KRTAP9-9: variants seen among roughly 807,000 people sequenced by gnomAD.
KRTAP9-9 encodes the protein keratin-associated protein 9-9.
KRTAP9-9 carries 12 observed loss-of-function variants against 13.7 expected under a neutral mutation model. The ratio of observed to expected loss-of-function variants is 0.88; its 90% CI spans 0.56 to 1.42. The LOEUF (loss-of-function observed/expected upper bound fraction) is 1.42, where lower values mean the gene tolerates loss of function less well. Among genes scored for constraint, KRTAP9-9 ranks in the 40% most tolerant of loss-of-function variants. The pLI is 0.00. For synonymous variants in KRTAP9-9, 81 were observed against 78.1 expected, an observed-to-expected ratio of 1.04 and a Z score of -0.19; for missense variants, 194 against 206.5, an observed-to-expected ratio of 0.94 and a Z score of 0.37.
At chr17:41,255,847 C>A in the KRTAP9-9 span, 1 of 1,613,522 alleles carries the variant, frequency 6.2e-7, no homozygotes, top group Non-Finnish European at 8.5e-7. Flanking sequence ...GGACCACTTG[C>A]TTCCAGCCCA....
rs190789946 is a variant in KRTAP9-9 at position 41,256,258 on chromosome 17, C to T, written c.*363C>T. ...TTTTCTTTTCAATATACTCATGATTCTTGTATCCTGCTTCCTTCTTTTAAT... is the reference window on the plus strand; with the variant it reads ...TTTTCTTTTCAATATACTCATGATTTTTGTATCCTGCTTCCTTCTTTTAAT... On this transcript the variant is annotated 3_prime_UTR_variant, in exon 1 of 1. Coordinates refer to ENST00000394008, the Ensembl canonical transcript of KRTAP9-9. 59 of 344,362 alleles carry T rather than the reference C, an allele frequency of 1.7e-4. No individual in the cohort carries two copies. The East Asian group carries it at 3.3e-3, about 19-fold the overall frequency. 21.3% of individuals were successfully genotyped at this position (344,362 alleles called of 1,614,324 possible). A position where few individuals can be genotyped will look rare whatever the true frequency, so the allele number is the denominator to read the frequency against.
exon 1 of KRTAP9-9, chr17:41,255,696 G>A: frequency 6.2e-7 from 1 of 1,613,546 alleles, no homozygotes; most frequent in Non-Finnish European, 8.5e-7. Flanking sequence ...GGCCAGAGCA[G>A]CTCCTGTGCA....
exon 1 of KRTAP9-9, chr17:41,255,934 T>A: frequency 1.5e-5 from 24 of 1,606,884 alleles, no homozygotes; most frequent in Non-Finnish European, 2.0e-5. Flanking sequence ...CACAACAACC[T>A]TCTGCTCAAC....
exon 1 of KRTAP9-9, chr17:41,256,314 G>T: frequency 4.3e-6 from 1 of 233,140 alleles, no homozygotes; most frequent in East Asian, 1.2e-4. Flanking sequence ...CTATAACCAG[G>T]GATCTTACCT....
chr17:41,255,738 C>A lies in KRTAP9-9; in HGVS notation c.353C>A (p.Pro118Gln). The change falls in exon 1 of 1, where the codon CCG becomes CAG. Residue 118 changes from proline (P) to glutamine (Q), a missense_variant. Physicochemically the swap from Pro to Gln is moderately conservative, Grantham distance 76. Transcript: ENST00000394008. The stretch of plus-strand genomic sequence containing the variant: ...TACTGCAGAAGAACCTGCTACTACC[C>A]GACGACTGTCTGCCTGCCTGGTTGC... 2.5e-6 allele frequency: 4 copies of A among 1,613,854 alleles called. No individual in the cohort carries two copies. The South Asian group carries it at 3.3e-5, about 13-fold the overall frequency.
At chr17:41,255,692 A>G (rs539568748) in exon 1 of KRTAP9-9, 1 of 1,613,766 alleles carries the variant, frequency 6.2e-7, no homozygotes, top group Non-Finnish European at 8.5e-7. Context: ...CTGTGGCCAG[A>G]GCAGCTCCTG....
chr17:41,255,774 G>A (rs1252436741), exon 1 of KRTAP9-9: 1 of 1,613,790 alleles, frequency 6.2e-7, no homozygotes. Context: ...CTCAACCAGA[G>A]CTGTGGATCC....
chr17:41,256,000 A>G, exon 1 of KRTAP9-9: 2 of 1,537,604 alleles, frequency 1.3e-6, no homozygotes, highest in South Asian at 1.3e-5. Flanking sequence ...CCATGTTCTC[A>G]CCCAAATTTT....
At chr17:41,256,041 G>C (rs540855053) in exon 1 of KRTAP9-9, 4 of 1,470,338 alleles carry the variant, frequency 2.7e-6, no homozygotes, top group Non-Finnish European at 3.7e-6. Flanking sequence ...AAAATCTTGT[G>C]AATCAGCTTG....
exon 1 of KRTAP9-9, chr17:41,255,723 G>T: frequency 6.2e-7 from 1 of 1,613,532 alleles, no homozygotes; most frequent in Non-Finnish European, 8.5e-7. Context: ...TACTGCAGAA[G>T]AACCTGCTAC....
chr17:41,255,705 C>T (rs920531114), exon 1 of KRTAP9-9: 19 of 1,613,722 alleles, frequency 1.2e-5, no homozygotes, highest in Middle Eastern at 1.6e-4. Context: ...AGCTCCTGTG[C>T]ACCTGTGTAC....
At position 41,255,808 on chromosome 17, in the gene KRTAP9-9, C is replaced by T. The variant is rs1011073076; in HGVS notation, c.423C>T (p.Arg141=). 3.1e-6 allele frequency: 5 copies of T among 1,613,182 alleles called. No individual in the cohort carries two copies. In the South Asian group the frequency reaches 5.5e-5, roughly 18 times the overall value. ...CCAGCTGCTGCCAGCCCTGCTGCCG[C>T]CCCGCCTGCTGTGAGACCACCTGCT... The change falls in exon 1 of 1, where the codon CGC becomes CGT. Residue 141 remains arginine (R), a synonymous_variant. Coordinates refer to ENST00000394008, the Ensembl canonical transcript of KRTAP9-9.
At chr17:41,255,590 A>G (rs750815508) in exon 1 of KRTAP9-9, 4 of 1,613,516 alleles carry the variant, frequency 2.5e-6, no homozygotes, top group Middle Eastern at 1.7e-4. Context: ...CTGTCTGACC[A>G]GCTGCTGCCA....
exon 1 of KRTAP9-9, chr17:41,255,673 T>C (rs1245798571): frequency 3.1e-6 from 5 of 1,613,534 alleles, no homozygotes; most frequent in Non-Finnish European, 4.2e-6. Flanking sequence ...AAACCAGCTG[T>C]GGGTCCAGCT....
Position 41,255,600 on chromosome 17 carries a change from A to G in KRTAP9-9, c.215A>G (p.Gln72Arg), listed in dbSNP as rs766941738. The G allele has an allele frequency of 2.5e-6, 4 of 1,613,560 alleles. No homozygotes were observed. The African/African-American group carries it at 4.0e-5, about 16-fold the overall frequency. ...CCCACCTGTCTGACCAGCTGCTGCC[A>G]GCCTTCCTGCTGCAGCACAACCTGC... is the stretch of plus-strand genomic sequence containing the variant. Residue 72 changes from glutamine (Q) to arginine (R), a missense_variant, in exon 1 of 1, where the codon CAG (glutamine) becomes CGG (arginine). Physicochemically the swap from Gln to Arg is conservative, Grantham distance 43. Coordinates refer to ENST00000394008, the Ensembl canonical transcript of KRTAP9-9.
exon 1 of KRTAP9-9, chr17:41,255,495 G>C (rs1334472956): frequency 1.2e-6 from 2 of 1,611,678 alleles, no homozygotes; most frequent in Non-Finnish European, 1.7e-6. Context: ...CAGCCCTCCT[G>C]CTGTGTGTCT....
chr17:41,255,750 G>A (rs780937180), exon 1 of KRTAP9-9: 4 of 1,613,604 alleles, frequency 2.5e-6, no homozygotes, highest in Non-Finnish European at 3.4e-6. Context: ...ACGACTGTCT[G>A]CCTGCCTGGT....
chr17:41,255,741 C>G, exon 1 of KRTAP9-9: 3 of 1,613,952 alleles, frequency 1.9e-6, no homozygotes, highest in Non-Finnish European at 2.5e-6. Context: ...TACTACCCGA[C>G]GACTGTCTGC....
Position 41,256,078 on chromosome 17 carries a change from TTC to T in KRTAP9-9, c.*187_*188del, listed in dbSNP as rs1001618346. The T allele has an allele frequency of 2.3e-5, 25 of 1,084,786 alleles. No individual in the cohort carries two copies. In the African/African-American group the frequency reaches 3.7e-4, roughly 16 times the overall value. The allele number at this position is 1,084,786 out of a possible 1,614,324, so 67.2% of individuals were successfully genotyped here. On this transcript the variant is annotated 3_prime_UTR_variant, in exon 1 of 1. Transcript: ENST00000394008. ...GGGAGGGCAGAATACTTCATCCTGA[TTC>T]TCTTTTTCTTATACCTTGTGAATCA...
Sources: allele counts gnomAD v4.1 joint callset, GRCh38; gene constraint gnomAD v4.1.1; transcripts MANE v1.5; gene names NCBI Gene and HGNC (gene_info 2026-07-23, HGNC 2026-07-21).